Variants in TTC28 observed in about 807,000 individuals in gnomAD.
The protein encoded by TTC28 is tetratricopeptide repeat domain 28, also known as tetratricopeptide repeat protein 28.
A neutral mutation model predicts 198.0 loss-of-function variants in TTC28; 61 were observed. The observed-to-expected ratio is 0.31, with a 90% confidence interval of 0.25 to 0.38. TTC28 has a LOEUF of 0.38. TTC28 is among the 10% of genes least tolerant of loss of function. TTC28 has a pLI of 1.00. For synonymous variants in TTC28, 1,171 were observed against 1,297.8 expected, an observed-to-expected ratio of 0.90 and a Z score of 2.10; for missense variants, 2,678 against 3,164.0, an observed-to-expected ratio of 0.85 and a Z score of 3.69.
chr22:28,050,505 C>T (rs1356520149), intron 12 of TTC28, among the ~76,000 whole-genome samples: 11 of 152,142 alleles, frequency 7.2e-5, no homozygotes, highest in African/African-American at 2.4e-4. Context: ...CTGGAAAGAA[C>T]ATTTGCATAT....
chr22:28,545,397 C>T (rs1454357131), intron 2 of TTC28, among the ~76,000 whole-genome samples: 2 of 151,958 alleles, frequency 1.3e-5, no homozygotes, highest in African/African-American at 2.4e-5. Context: ...TAGTGAGACC[C>T]TGTCTCTACA....
rs1328376802 is a variant in TTC28 at position 27,978,608 on chromosome 22, G to C, written c.*3613C>G. Reference sequence around the variant, plus strand: ...AGCGTGGGTGACACCTTTGTCTCCTGCTAAAACCCAGCAAGTTTCAGTGTG... The same window carrying C: ...AGCGTGGGTGACACCTTTGTCTCCTCCTAAAACCCAGCAAGTTTCAGTGTG... On this transcript the variant is annotated 3_prime_UTR_variant, in exon 23 of 23. Coordinates refer to ENST00000397906, the MANE Select transcript of TTC28 (RefSeq NM_001145418.2). 6.6e-6 allele frequency: 1 copy of C among 152,242 alleles called. No homozygotes were observed. Among genetic ancestry groups the C allele is most frequent in the East Asian group, 1.9e-4 (1 of 5,204 alleles). The allele number at this position is 152,242 out of a possible 1,614,324, so 9.4% of individuals were successfully genotyped here. A position where few individuals can be genotyped will look rare whatever the true frequency, so the allele number is the denominator to read the frequency against.
At chr22:28,675,651 T>C (rs1194608337) in intron 1 of TTC28, among the ~76,000 whole-genome samples, 1 of 150,652 alleles carries the variant, frequency 6.6e-6, no homozygotes, top group Non-Finnish European at 1.5e-5. Flanking sequence ...GGTGGGAGGA[T>C]CAACTGAGCC....
At chr22:28,029,738 G>T (rs1938996072) in intron 13 of TTC28, among the ~76,000 whole-genome samples, 1 of 152,156 alleles carries the variant, frequency 6.6e-6, no homozygotes. Context: ...GGCACAGACG[G>T]GTGAGCCTGG....
At chr22:27,999,287 C>T in intron 15 of TTC28, 27 bp from the exon 16 acceptor site, 6 of 1,524,432 alleles carry the variant, frequency 3.9e-6, no homozygotes, top group Admixed American at 2.0e-5. Context: ...CAAAGCAGAC[C>T]ACCCGTCAGA....
chr22:28,108,465 A>C, intron 6 of TTC28, 62 bp from the exon 7 acceptor site: 1 of 1,333,596 alleles, frequency 7.5e-7, no homozygotes, highest in Non-Finnish European at 9.7e-7. Context: ...TGTAGAAAGA[A>C]ATGTAATTTG....
At chr22:28,499,395 C>T (rs907933173) in intron 2 of TTC28, among the ~76,000 whole-genome samples, 2 of 152,098 alleles carry the variant, frequency 1.3e-5, no homozygotes, top group African/African-American at 4.8e-5. Context: ...ATTTTCACAT[C>T]CTTCATTAAA....
chr22:28,535,017 CCTG>C (rs2049236185), intron 2 of TTC28, among the ~76,000 whole-genome samples: 1 of 151,814 alleles, frequency 6.6e-6, no homozygotes, highest in African/African-American at 2.4e-5. Flanking sequence ...ATGTAACAAA[CCTG>C]CACATTGTAC....
At chr22:28,349,537 G>C (rs1175790657) in intron 2 of TTC28, among the ~76,000 whole-genome samples, 1 of 152,156 alleles carries the variant, frequency 6.6e-6, no homozygotes, top group African/African-American at 2.4e-5. Flanking sequence ...TGAAGTTACA[G>C]AAAAAGAGCA....
intron 2 of TTC28, among the ~76,000 whole-genome samples, chr22:28,560,439 C>T (rs1474767156): frequency 6.6e-6 from 1 of 152,156 alleles, no homozygotes; most frequent in Non-Finnish European, 1.5e-5. Context: ...TAAAATCCAA[C>T]ATCTTATCAT....
At chr22:28,647,817 C>T (rs1014171282) in intron 1 of TTC28, among the ~76,000 whole-genome samples, 28 of 151,130 alleles carry the variant, frequency 1.9e-4, no homozygotes, top group Admixed American at 1.2e-3. Flanking sequence ...CCAGCCTGGG[C>T]GACAGAGTGA....
At chr22:28,476,282 T>C (rs1187733525) in intron 2 of TTC28, among the ~76,000 whole-genome samples, 2 of 152,246 alleles carry the variant, frequency 1.3e-5, no homozygotes, top group Admixed American at 6.5e-5. Flanking sequence ...TTATCAATGA[T>C]GCATGTAATT....
chr22:28,656,379 A>G (rs991294585), intron 1 of TTC28, among the ~76,000 whole-genome samples: 7 of 152,342 alleles, frequency 4.6e-5, no homozygotes, highest in Admixed American at 6.5e-5. Flanking sequence ...CAGGAACAGC[A>G]GAGAGGAAGG....
chr22:28,271,628 C>T (rs943557073), intron 5 of TTC28, among the ~76,000 whole-genome samples: 4 of 151,942 alleles, frequency 2.6e-5, no homozygotes, highest in South Asian at 2.1e-4. Context: ...TTTTTTGAGA[C>T]GAGTCTCGCC....
At chr22:28,567,479 CATATATAT>C (rs398040471) in intron 2 of TTC28, among the ~76,000 whole-genome samples, 71 of 51,144 alleles carry the variant, frequency 1.4e-3, no homozygotes, top group East Asian at 4.8e-3. Flanking sequence ...TACATACATA[CATATATAT>C]ATATATATAT....
chr22:28,036,045 G>T (rs1012644983), intron 12 of TTC28, among the ~76,000 whole-genome samples: 21 of 152,076 alleles, frequency 1.4e-4, no homozygotes, highest in Admixed American at 1.4e-3. Flanking sequence ...AATAATGGGA[G>T]ACTTTAACAC....
At chr22:28,151,837 C>A (rs901528103) in intron 6 of TTC28, among the ~76,000 whole-genome samples, 1 of 152,126 alleles carries the variant, frequency 6.6e-6, no homozygotes, top group African/African-American at 2.4e-5. Context: ...TTTATATTTT[C>A]CCTTTTCATG....
chr22:28,446,270 G>A (rs2047699363), intron 2 of TTC28, among the ~76,000 whole-genome samples: 1 of 151,608 alleles, frequency 6.6e-6, no homozygotes, highest in African/African-American at 2.4e-5. Flanking sequence ...AATGAATGGG[G>A]TGTGGGGGTG....
chr22:28,387,942 T>TTA (rs2046639795), intron 2 of TTC28, among the ~76,000 whole-genome samples: 1 of 152,210 alleles, frequency 6.6e-6, no homozygotes. Flanking sequence ...TGAATGGTAA[T>TTA]GCCTAGGTTT....
Sources: gnomAD v4.1 joint callset for allele counts (sites outside exome capture counted in the v4.1 genomes callset) on GRCh38, gnomAD v4.1.1 for gene constraint, MANE v1.5 for transcripts, NCBI Gene and HGNC (gene_info 2026-07-23, HGNC 2026-07-21) for gene names.